Variants in DAAM1 observed in about 807,000 individuals in gnomAD.
DAAM1 encodes dishevelled associated activator of morphogenesis 1.
DAAM1 carries 52 observed loss-of-function variants against 130.0 expected under a neutral mutation model. The ratio of observed to expected loss-of-function variants is 0.40; its 90% CI spans 0.32 to 0.50. DAAM1 has a LOEUF of 0.50. DAAM1 is among the 20% of genes least tolerant of loss of function. The pLI is 0.61. For synonymous variants in DAAM1, 452 were observed against 444.5 expected (o/e 1.02, Z -0.21); for missense variants, 1,134 against 1,303.8 (o/e 0.87, Z 2.01).
At chr14:59,258,382 C>T (rs1405474325) in intron 1 of DAAM1, among the ~76,000 whole-genome samples, 1 of 152,166 alleles carries the variant, frequency 6.6e-6, no homozygotes, top group Non-Finnish European at 1.5e-5. Flanking sequence ...GAGACCTCTT[C>T]AGTGTGTGGC....
chr14:59,353,301 GCA>G (rs1401034039), intron 18 of DAAM1, among the ~76,000 whole-genome samples: 2 of 152,208 alleles, frequency 1.3e-5, no homozygotes, highest in East Asian at 3.9e-4. Context: ...GAACCTCAGG[GCA>G]CAGTTTTCTC....
intron 18 of DAAM1, among the ~76,000 whole-genome samples, chr14:59,353,018 T>C (rs1271143763): frequency 6.6e-6 from 1 of 150,516 alleles, no homozygotes; most frequent in African/African-American, 2.5e-5. Context: ...AAAAAAAATA[T>C]ATGGACAGAC....
chr14:59,258,633 A>C (rs564409860), intron 1 of DAAM1, among the ~76,000 whole-genome samples: 1 of 152,220 alleles, frequency 6.6e-6, no homozygotes, highest in East Asian at 1.9e-4. Flanking sequence ...TGAGGGGTCC[A>C]GCGGAATGAT....
chr14:59,315,310 T>A lies in DAAM1; in HGVS notation c.304T>A (p.Trp102Arg). The A allele has an allele frequency of 1.2e-6, 2 of 1,614,032 alleles. No homozygotes were observed. The highest frequency in any genetic ancestry group is 1.7e-6 in the Non-Finnish European group (2 of 1,179,942). The change falls in exon 4 of 25, where the codon TGG becomes AGG. Residue 102 changes from tryptophan to arginine, a missense_variant. Coordinates refer to ENST00000360909, the MANE Select transcript of DAAM1 (RefSeq NM_001270520.2). ...DQEENKGATS[W>R]PEFYIDQLNS... ...GGAAGAAAACAAGGGAGCTACAAGT[T>A]GGCCTGAATTCTACATTGATCAGCT...
At chr14:59,355,139 A>G (rs774224822) in intron 19 of DAAM1, 26 bp from the exon 20 acceptor site, 3 of 1,596,614 alleles carry the variant, frequency 1.9e-6, no homozygotes, top group Admixed American at 3.5e-5. Context: ...CTTGGTAATC[A>G]TGTTTTTATG....
chr14:59,236,864 GT>G (rs902966408), intron 1 of DAAM1, among the ~76,000 whole-genome samples: 3 of 152,076 alleles, frequency 2.0e-5, no homozygotes, highest in African/African-American at 7.2e-5. Context: ...AACTTCTCTT[GT>G]TTCATGTACT....
chr14:59,338,311 C>A (rs1885704756), intron 15 of DAAM1: 2 of 1,455,254 alleles, frequency 1.4e-6, no homozygotes, highest in South Asian at 2.3e-5. Flanking sequence ...CTTTGACTTT[C>A]CCCCATTTGT....
intron 15 of DAAM1, among the ~76,000 whole-genome samples, chr14:59,338,893 AT>A (rs1293793799): frequency 5.3e-5 from 8 of 152,264 alleles, no homozygotes; most frequent in Non-Finnish European, 1.2e-4. Context: ...TAGATGCTTG[AT>A]ATGCTTAGTG....
At chr14:59,365,841 A>G (rs966379648) in intron 23 of DAAM1, among the ~76,000 whole-genome samples, 10 of 152,212 alleles carry the variant, frequency 6.6e-5, no homozygotes, top group Non-Finnish European at 1.5e-4. Context: ...AGCTAGGAAC[A>G]CTATCCTTAG....
chr14:59,301,851 G>T (rs1304026676), intron 3 of DAAM1, among the ~76,000 whole-genome samples: 2 of 152,120 alleles, frequency 1.3e-5, no homozygotes, highest in Admixed American at 6.5e-5. Context: ...ATGGATTTGG[G>T]GTTTGTTGAT....
At chr14:59,353,668 C>T (rs1311419785) in intron 18 of DAAM1, among the ~76,000 whole-genome samples, 1 of 151,978 alleles carries the variant, frequency 6.6e-6, no homozygotes, top group Non-Finnish European at 1.5e-5. Context: ...GCCAAGTAGC[C>T]CCTGTAGGTC....
At chr14:59,236,457 C>T (rs944204195) in intron 1 of DAAM1, among the ~76,000 whole-genome samples, 6 of 152,100 alleles carry the variant, frequency 3.9e-5, no homozygotes, top group African/African-American at 9.7e-5. Flanking sequence ...CTCACCTTTT[C>T]TCCCTTCAAG....
chr14:59,368,591 T>C (rs1887016787), intron 24 of DAAM1, 59 bp from the exon 25 acceptor site: 4 of 1,544,306 alleles, frequency 2.6e-6, no homozygotes, highest in Non-Finnish European at 3.5e-6. Flanking sequence ...TGACCTCTAC[T>C]GCAAACAAAA....
intron 1 of DAAM1, among the ~76,000 whole-genome samples, chr14:59,211,991 T>A (rs766692787): frequency 2.0e-5 from 3 of 152,256 alleles, no homozygotes; most frequent in Non-Finnish European, 4.4e-5. Flanking sequence ...TAGCCATTCC[T>A]CCTTAATTCT....
chr14:59,264,637 T>A (rs1362476415), intron 2 of DAAM1: 1 of 150,736 alleles, frequency 6.6e-6, no homozygotes. Flanking sequence ...GAATTAGTTC[T>A]TCTTTTTTTT....
chr14:59,333,357 C>T (rs1331092983), intron 15 of DAAM1, among the ~76,000 whole-genome samples: 3 of 152,080 alleles, frequency 2.0e-5, no homozygotes, highest in Non-Finnish European at 4.4e-5. Flanking sequence ...ATGAAAAAAA[C>T]ACAATGAAGA....
In DAAM1 at chr14:59,330,567, A is replaced by C; in HGVS notation, c.1439A>C (p.Lys480Thr). Residue 480 changes from lysine to threonine, a missense_variant, in exon 13 of 25, where the codon AAG becomes ACG. By Grantham distance (78) the Lys-to-Thr change is moderately conservative. Coordinates refer to ENST00000360909, the MANE Select transcript of DAAM1 (RefSeq NM_001270520.2). ...GAATGTGATGCTAAGACTCAAGAGA[A>C]GGAAGAGATGATGCAGACCTTAAAT... ...ERECDAKTQE[K>T]EEMMQTLNKM... 1 of 1,614,074 alleles carries C rather than the reference A, an allele frequency of 6.2e-7. No individual in the cohort carries two copies. The highest frequency in any genetic ancestry group is 8.5e-7 in the Non-Finnish European group (1 of 1,179,984).
intron 20 of DAAM1, among the ~76,000 whole-genome samples, chr14:59,358,517 T>C (rs1285787713): frequency 6.6e-6 from 1 of 152,148 alleles, no homozygotes; most frequent in Non-Finnish European, 1.5e-5. Flanking sequence ...CTTTCTAACT[T>C]TCTGACCACC....
intron 2 of DAAM1, among the ~76,000 whole-genome samples, chr14:59,288,965 G>A (rs537295255): frequency 2.0e-5 from 3 of 152,188 alleles, no homozygotes; most frequent in Admixed American, 6.5e-5. Flanking sequence ...CACCCAGGCT[G>A]GAGTGCAGTG....
Sources: gnomAD v4.1 joint callset for allele counts (sites outside exome capture counted in the v4.1 genomes callset) on GRCh38, gnomAD v4.1.1 for gene constraint, MANE v1.5 for transcripts, NCBI Gene and HGNC (gene_info 2026-07-23, HGNC 2026-07-21) for gene names.